SCML4: variants seen among roughly 807,000 people sequenced by gnomAD.
The protein encoded by SCML4 is sex comb on midleg-like protein 4.
SCML4 carries 34 observed loss-of-function variants against 41.1 expected under a neutral mutation model. The observed-to-expected ratio is 0.83, with a 90% CI of 0.63 to 1.10. The LOEUF (loss-of-function observed/expected upper bound fraction) is 1.10, where lower values mean the gene tolerates loss of function less well. Ranked by LOEUF, SCML4 falls within the 50% of genes least tolerant of loss-of-function variation. The pLI is 0.00. For synonymous variants in SCML4, 214 were observed against 220.9 expected, an observed-to-expected ratio of 0.97 and a Z score of 0.28; for missense variants, 522 against 534.1, an observed-to-expected ratio of 0.98 and a Z score of 0.22.
chr6:107,769,952 A>G (rs527955631), intron 2 of SCML4, among the ~76,000 whole-genome samples: 1 of 152,300 alleles, frequency 6.6e-6, no homozygotes, highest in East Asian at 1.9e-4. Context: ...TAAAAGTTAG[A>G]CCAAGTAATA....
intron 4 of SCML4, chr6:107,746,369 T>G (rs886541581): frequency 5.9e-5 from 17 of 289,178 alleles, no homozygotes; most frequent in African/African-American, 3.1e-4. Context: ...CGGGTATATT[T>G]TGAAGTGGAG....
intron 1 of SCML4, among the ~76,000 whole-genome samples, chr6:107,790,164 G>A (rs1482738817): frequency 6.6e-6 from 1 of 152,186 alleles, no homozygotes; most frequent in Non-Finnish European, 1.5e-5. Flanking sequence ...GGTGGGAGAT[G>A]TTGCATTTTA....
chr6:107,712,524 A>G (rs566676381), intron 6 of SCML4, among the ~76,000 whole-genome samples: 29 of 151,946 alleles, frequency 1.9e-4, no homozygotes, highest in Non-Finnish European at 3.5e-4. Context: ...CCTGGTACCT[A>G]GGGCTTGCTG....
At chr6:107,776,222 C>T (rs939187820) in intron 1 of SCML4, among the ~76,000 whole-genome samples, 1 of 151,988 alleles carries the variant, frequency 6.6e-6, no homozygotes, top group African/African-American at 2.4e-5. Context: ...GAAAATAAAG[C>T]TAAGGAAACT....
chr6:107,760,020 G>A (rs77119618), intron 2 of SCML4, among the ~76,000 whole-genome samples: 7,862 of 152,028 alleles, frequency 0.052, 600 homozygotes, highest in African/African-American at 0.18. Flanking sequence ...CCTTTAAATG[G>A]GTTACAGTTG....
Position 107,720,958 on chromosome 6 carries a change from G to A in SCML4, c.718C>T (p.Pro240Ser), listed in dbSNP as rs1455595685. 6.2e-7 allele frequency: 1 copy of A among 1,613,496 alleles called. No homozygotes were observed. Among genetic ancestry groups the A allele is most frequent in the Admixed American group, 1.7e-5 (1 of 59,948 alleles). The change falls in exon 6 of 8, where the codon CCT becomes TCT. Residue 240 changes from proline (P) to serine (S), a missense_variant. Physicochemically the swap from Pro to Ser is moderately conservative, Grantham distance 74. Coordinates refer to ENST00000369020, the MANE Select transcript of SCML4 (RefSeq NM_198081.5). Reference protein sequence around the residue: ...TVTTEEYLVNPVGMNRYSVDT... With the variant: ...TVTTEEYLVNSVGMNRYSVDT... Reference sequence around the variant, plus strand: ...ACGCTGTAGCGGTTCATGCCCACAGGGTTCACCAGGTACTCTTCGGTGGTG... The same window carrying A: ...ACGCTGTAGCGGTTCATGCCCACAGAGTTCACCAGGTACTCTTCGGTGGTG...
chr6:107,772,247 G>A lies in SCML4; in HGVS notation c.81C>T (p.Asn27=), dbSNP rs1238215371. The change falls in exon 2 of 8, where the codon AAC becomes AAT. Residue 27 remains asparagine, a synonymous_variant. Coordinates refer to ENST00000369020, the MANE Select transcript of SCML4 (RefSeq NM_198081.5). The part of the protein sequence containing the change: ...HSTPMKMAVH[N]LYSASAGSLP... ...AAGAGCCAGCTGAAGCAGAATAAAG[G>A]TTATGAACTGCCATCTTCATAGGCG... 1.3e-6 allele frequency: 2 copies of A among 1,551,586 alleles called. No individual in the cohort carries two copies. Among genetic ancestry groups the A allele is most frequent in the Admixed American group, 2.0e-5 (1 of 50,976 alleles).
upstream of SCML4, among the ~76,000 whole-genome samples, chr6:107,828,446 G>A (rs1163165286): frequency 6.6e-6 from 1 of 152,194 alleles, no homozygotes; most frequent in Non-Finnish European, 1.5e-5. Flanking sequence ...TTGGAGGAGT[G>A]CTTAGTTGTG....
chr6:107,807,103 G>A (rs1783796614), intron 1 of SCML4, among the ~76,000 whole-genome samples: 1 of 151,158 alleles, frequency 6.6e-6, no homozygotes, highest in South Asian at 2.1e-4. Context: ...AAATTGCAGG[G>A]GCCATGTGTG....
At chr6:107,784,511 A>G (rs926256646) in intron 1 of SCML4, among the ~76,000 whole-genome samples, 3 of 152,240 alleles carry the variant, frequency 2.0e-5, no homozygotes, top group African/African-American at 7.2e-5. Context: ...GATGCATAAG[A>G]TACCACTGGA....
intron 2 of SCML4, among the ~76,000 whole-genome samples, chr6:107,751,597 T>TCTTTCTTC (rs757797259): frequency 1.4e-5 from 2 of 138,920 alleles, no homozygotes; most frequent in Non-Finnish European, 3.1e-5. Context: ...TTTCTTTCTT[T>TCTTTCTTC]CTTTCTTTCT....
chr6:107,817,950 A>T (rs1784673872), intron 1 of SCML4, among the ~76,000 whole-genome samples: 1 of 152,162 alleles, frequency 6.6e-6, no homozygotes, highest in Non-Finnish European at 1.5e-5. Flanking sequence ...AGGCACCAAC[A>T]CAACCCCACC....
intron 1 of SCML4, among the ~76,000 whole-genome samples, chr6:107,803,364 G>A (rs1377329737): frequency 6.6e-6 from 1 of 151,296 alleles, no homozygotes; most frequent in South Asian, 2.1e-4. Context: ...CAGCCACCCC[G>A]TCTGGGAGGG....
chr6:107,749,651 A>T lies in SCML4; in HGVS notation c.286+33T>A, dbSNP rs1401764366. The T allele has an allele frequency of 3.1e-6, 5 of 1,612,014 alleles. No individual in the cohort carries two copies. In the East Asian group the frequency reaches 1.1e-4, roughly 36 times the overall value. ...GTAGCTGCCCTGTTCTCTACAGACC[A>T]TCACAGCCTTGGAGTTCATTCTGCT... On this transcript the variant is annotated intron_variant, in intron 3 of 7. Transcript: ENST00000369020.
upstream of SCML4, among the ~76,000 whole-genome samples, chr6:107,826,003 C>A (rs1293290026): frequency 6.7e-6 from 1 of 148,986 alleles, no homozygotes; most frequent in Non-Finnish European, 1.5e-5. Flanking sequence ...GCCTGTAATC[C>A]CAGCATTTTG....
At chr6:107,839,368 G>GAAAGAAA in the SCML4 span, among the ~76,000 whole-genome samples, 470 of 52,544 alleles carry the variant, frequency 8.9e-3, 4 homozygotes, top group African/African-American at 0.011. Flanking sequence ...AAAGAAAGAA[G>GAAAGAAA]GAAAGAAAGA....
At chr6:107,804,045 A>G in intron 1 of SCML4, among the ~76,000 whole-genome samples, 1 of 128,236 alleles carries the variant, frequency 7.8e-6, no homozygotes, top group African/African-American at 3.5e-5. Context: ...AGAATGATCA[A>G]TAACAAAAAA....
chr6:107,763,898 G>A (rs909509016), intron 2 of SCML4, among the ~76,000 whole-genome samples: 2 of 152,164 alleles, frequency 1.3e-5, no homozygotes, highest in African/African-American at 2.4e-5. Context: ...TTTTGGTATG[G>A]CAGCCCGAGC....
At position 107,772,266 on chromosome 6, in the gene SCML4, A is replaced by G. The variant is rs749652541; in HGVS notation, c.62T>C (p.Met21Thr). The change falls in exon 2 of 8, where the codon ATG (methionine) becomes ACG (threonine). Residue 21 changes from methionine (M) to threonine (T), a missense_variant. Coordinates refer to ENST00000369020, the MANE Select transcript of SCML4 (RefSeq NM_198081.5). ...ATAAAGGTTATGAACTGCCATCTTCATAGGCGTGGAGTGAAGTGAGGGTCG... is the reference window on the plus strand; with the variant it reads ...ATAAAGGTTATGAACTGCCATCTTCGTAGGCGTGGAGTGAAGTGAGGGTCG... ...RGRPSLHSTP[M>T]KMAVHNLYSA... The G allele has an allele frequency of 6.4e-7, 1 of 1,551,802 alleles. No homozygotes were observed. Among genetic ancestry groups the G allele is most frequent in the South Asian group, 1.2e-5 (1 of 84,064 alleles).
Sources: allele counts gnomAD v4.1 joint callset (sites outside exome capture counted in the v4.1 genomes callset), GRCh38; gene constraint gnomAD v4.1.1; transcripts MANE v1.5; gene names NCBI Gene and HGNC (gene_info 2026-07-23, HGNC 2026-07-21).